KIF13B: variants seen among roughly 807,000 people sequenced by gnomAD.
KIF13B encodes the protein kinesin-like protein KIF13B.
A neutral mutation model predicts 222.0 loss-of-function variants in KIF13B; 127 were observed. The observed-to-expected ratio is 0.57, with a 90% CI of 0.50 to 0.66. The LOEUF is 0.66. KIF13B is among the 30% of genes least tolerant of loss of function. The pLI, the probability that KIF13B is intolerant of heterozygous loss-of-function variation, is 0.00. For missense variants in KIF13B, 2,173 were observed against 2,379.0 expected (o/e 0.91, Z 1.80); for synonymous variants, 976 against 919.0 (o/e 1.06, Z -1.12).
At chr8:29,223,154 C>CA (rs1456922833) in intron 2 of KIF13B, among the ~76,000 whole-genome samples, 1 of 78,266 alleles carries the variant, frequency 1.3e-5, no homozygotes, top group Non-Finnish European at 2.7e-5. Context: ...CTCCTCTCTA[C>CA]AAAAAAATAC....
At chr8:29,243,904 G>GA (rs770395231) in intron 2 of KIF13B, among the ~76,000 whole-genome samples, 1 of 152,102 alleles carries the variant, frequency 6.6e-6, no homozygotes, top group Non-Finnish European at 1.5e-5. Flanking sequence ...ATCTTTGTGG[G>GA]AAAAAACTTT....
At chr8:29,198,378 G>A (rs1441294211) in intron 2 of KIF13B, among the ~76,000 whole-genome samples, 1 of 152,012 alleles carries the variant, frequency 6.6e-6, no homozygotes, top group African/African-American at 2.4e-5. Context: ...CTGGAGTACA[G>A]TGGCGTGATC....
chr8:29,072,397 G>C, intron 38 of KIF13B, 81 bp from the exon 39 acceptor site: 2 of 977,360 alleles, frequency 2.0e-6, no homozygotes, highest in Non-Finnish European at 2.8e-6. Context: ...ACTTGGAAAA[G>C]AGCATGAGGC....
chr8:29,083,736 G>A (rs1238840271), intron 37 of KIF13B, among the ~76,000 whole-genome samples: 1 of 152,040 alleles, frequency 6.6e-6, no homozygotes, highest in Non-Finnish European at 1.5e-5. Flanking sequence ...CAGTTGCCCT[G>A]AATTTTTTTT....
intron 10 of KIF13B, among the ~76,000 whole-genome samples, chr8:29,169,829 C>T (rs904379923): frequency 1.3e-5 from 2 of 152,176 alleles, no homozygotes; most frequent in Non-Finnish European, 2.9e-5. Context: ...AATCTCATCA[C>T]CATTTGGTTC....
intron 37 of KIF13B, among the ~76,000 whole-genome samples, chr8:29,090,980 A>AG (rs1338248102): frequency 3.3e-5 from 5 of 152,150 alleles, no homozygotes; most frequent in African/African-American, 1.2e-4. Flanking sequence ...GGCCTCCCTG[A>AG]GGGCTGGGGT....
chr8:29,247,607 CT>C (rs1816086790), intron 1 of KIF13B, among the ~76,000 whole-genome samples: 1 of 151,818 alleles, frequency 6.6e-6, no homozygotes, highest in Admixed American at 6.6e-5. Flanking sequence ...ATTGGGAGGA[CT>C]GCTTGAGCAC....
chr8:29,261,044 G>A (rs1159994345), intron 1 of KIF13B, among the ~76,000 whole-genome samples: 1 of 152,044 alleles, frequency 6.6e-6, no homozygotes, highest in Non-Finnish European at 1.5e-5. Context: ...AACAAAAATG[G>A]AAAAGAACAA....
chr8:29,237,766 T>C (rs760782863), intron 2 of KIF13B, among the ~76,000 whole-genome samples: 10 of 152,354 alleles, frequency 6.6e-5, no homozygotes, highest in Non-Finnish European at 1.3e-4. Flanking sequence ...CCATTAATTA[T>C]GCAATGATAT....
intron 37 of KIF13B, among the ~76,000 whole-genome samples, chr8:29,090,881 G>A (rs1586762183): frequency 3.9e-5 from 6 of 152,146 alleles, no homozygotes; most frequent in African/African-American, 1.4e-4. Context: ...ACAGGAGCAC[G>A]CCTGGCTAAT....
Position 29,072,156 on chromosome 8 carries a change from A to C in KIF13B, c.4682T>G (p.Leu1561Arg). 7.1e-7 allele frequency: 1 copy of C among 1,416,352 alleles called. No homozygotes were observed. Among genetic ancestry groups the C allele is most frequent in the Non-Finnish European group, 9.2e-7 (1 of 1,084,326 alleles). The allele number at this position is 1,416,352 out of a possible 1,614,324, so 87.7% of individuals were successfully genotyped here. A position where few individuals can be genotyped will look rare whatever the true frequency, so the allele number is the denominator to read the frequency against. ...PEAQDGPPSP[L>R]SEASSGYFSH... is the part of the protein sequence containing the mutation. Reference sequence around the variant, plus strand: ...GAAGTACCCGCTAGAGGCTTCACTCAGGGGGCTGGGGGGCCCGTCCTGTGC... The same window carrying C: ...GAAGTACCCGCTAGAGGCTTCACTCCGGGGGCTGGGGGGCCCGTCCTGTGC... The change falls in exon 39 of 40, where the codon CTG (leucine) becomes CGG (arginine). Residue 1561 changes from leucine (L) to arginine (R), a missense_variant. Physicochemically the swap from Leu to Arg is moderately radical, Grantham distance 102. Coordinates refer to ENST00000524189, the MANE Select transcript of KIF13B (RefSeq NM_015254.4).
At chr8:29,214,756 T>C (rs1814397964) in intron 2 of KIF13B, among the ~76,000 whole-genome samples, 1 of 152,208 alleles carries the variant, frequency 6.6e-6, no homozygotes, top group South Asian at 2.1e-4. Flanking sequence ...GGCAGTGAAG[T>C]AGTTTGCTTT....
chr8:29,165,841 A>T (rs1811971623), intron 11 of KIF13B, 69 bp from the exon 12 acceptor site: 13 of 1,040,194 alleles, frequency 1.2e-5, no homozygotes, highest in Non-Finnish European at 1.9e-5. Context: ...GCCAACTCTA[A>T]AAGGACAAAA....
In KIF13B at chr8:29,222,949, T is replaced by G. The variant is rs1814824971; in HGVS notation, c.149+22397A>C. Reference sequence around the variant, plus strand: ...CTGATTCAATTTATGGGACAATTTGTTATGTGATCTAACAATTTGACATAT... The same window carrying G: ...CTGATTCAATTTATGGGACAATTTGGTATGTGATCTAACAATTTGACATAT... On this transcript the variant is annotated intron_variant, in intron 2 of 39. Coordinates refer to ENST00000524189, the MANE Select transcript of KIF13B (RefSeq NM_015254.4). 1.3e-5 allele frequency among the ~76,000 whole-genome samples: 2 copies of G among 152,112 alleles called. 1 individual carries two copies. Among genetic ancestry groups the G allele is most frequent in the South Asian group, 4.1e-4 (2 of 4,828 alleles).
intron 28 of KIF13B, 132 bp downstream of exon 28, chr8:29,123,234 C>T: frequency 1.0e-6 from 1 of 992,712 alleles, no homozygotes; most frequent in Non-Finnish European, 1.4e-6. Context: ...TTTAACAGTT[C>T]CTTTAATTTA....
intron 12 of KIF13B, among the ~76,000 whole-genome samples, chr8:29,161,708 C>CCAAAA (rs1554609866): frequency 2.1e-5 from 3 of 143,718 alleles, no homozygotes; most frequent in Non-Finnish European, 4.6e-5. Flanking sequence ...AACCCCCCCC[C>CCAAAA]AAAAAAAAAC....
Position 29,132,465 on chromosome 8 carries a change from C to A in KIF13B, c.2785G>T (p.Glu929Ter), listed in dbSNP as rs1372952252. 1 of 1,494,836 alleles carries A rather than the reference C, an allele frequency of 6.7e-7. No homozygotes were observed. Among genetic ancestry groups the A allele is most frequent in the Non-Finnish European group, 9.0e-7 (1 of 1,115,450 alleles). 92.6% of individuals were successfully genotyped at this position (1,494,836 alleles called of 1,614,324 possible). A position where few individuals can be genotyped will look rare whatever the true frequency, so the allele number is the denominator to read the frequency against. Residue 929 changes from glutamate (E) to a stop codon, truncating the protein, a stop_gained and splice_region_variant, in exon 23 of 40, where the codon GAG becomes TAG. Transcript: ENST00000524189. LOFTEE classifies it high-confidence loss of function. ...HCMVVFDHCN[E>*]FSVNITEDFI... ...TCTTCGGTGATGTTAACAGAAAACT[C>A]CTGAAACACAACAGCTAATTACAGA...
chr8:29,140,342 G>A, intron 20 of KIF13B, 126 bp downstream of exon 20: 2 of 1,382,058 alleles, frequency 1.4e-6, no homozygotes, highest in Non-Finnish European at 2.0e-6. Context: ...TACCCTAAGA[G>A]TCCTTGGAAA....
At chr8:29,170,899 G>A (rs1198360669) in intron 10 of KIF13B, among the ~76,000 whole-genome samples, 1 of 152,168 alleles carries the variant, frequency 6.6e-6, no homozygotes, top group Non-Finnish European at 1.5e-5. Context: ...CCAACATAGT[G>A]AGACCCTGTT....
Sources: allele counts gnomAD v4.1 joint callset (sites outside exome capture counted in the v4.1 genomes callset), GRCh38; gene constraint gnomAD v4.1.1; transcripts MANE v1.5; gene names NCBI Gene and HGNC (gene_info 2026-07-23, HGNC 2026-07-21).